The following DDX5 variants were observed in gnomAD, a reference collection of about 807,000 sequenced individuals.
The protein encoded by DDX5 is DEAD-box helicase 5, also known as probable ATP-dependent RNA helicase DDX5.
Under a neutral mutation model 68.6 loss-of-function variants are expected in DDX5, and 6 were observed. The ratio of observed to expected loss-of-function variants is 0.09; its 90% CI spans 0.05 to 0.17. The LOEUF is 0.17. Ranked by LOEUF, DDX5 falls within the 10% of genes least tolerant of loss-of-function variation. The pLI is 1.00. For synonymous variants in DDX5, 350 were observed against 247.0 expected (o/e 1.42, Z -3.91); for missense variants, 499 against 756.1 (o/e 0.66, Z 3.99).
chr17:64,499,939 G>T lies in DDX5; in HGVS notation c.1829C>A (p.Thr610Lys). ...AAPMIGYPMPTGYSQ is the reference protein window; with the variant it reads ...AAPMIGYPMPKGYSQ Reference sequence around the variant, plus strand: ...TCTAAAGTCTTATTGGGAATATCCTGTTGGCATTGGATAACCAATCATAGG... The same window carrying T: ...TCTAAAGTCTTATTGGGAATATCCTTTTGGCATTGGATAACCAATCATAGG... Residue 610 changes from threonine to lysine, a missense_variant, in exon 13 of 13, where the codon ACA becomes AAA. Around this residue, in one of 5 missense-constraint regions of DDX5, gnomAD observed 171 missense variants for 174.8 expected, o/e 0.98. Coordinates refer to ENST00000225792, the MANE Select transcript of DDX5 (RefSeq NM_004396.5). The T allele has an allele frequency of 1.2e-6, 2 of 1,604,148 alleles. No individual in the cohort carries two copies. Among genetic ancestry groups the T allele is most frequent in the Non-Finnish European group, 1.7e-6 (2 of 1,174,226 alleles).
chr17:64,501,340 G>T (rs1217403927), intron 11 of DDX5: 1 of 159,580 alleles, frequency 6.3e-6, no homozygotes, highest in Non-Finnish European at 1.4e-5. Flanking sequence ...ACTTGAGAAT[G>T]TGTCTCTCTC....
chr17:64,505,835 G>A, intron 1 of DDX5: 24 of 1,536,084 alleles, frequency 1.6e-5, no homozygotes, highest in Non-Finnish European at 2.1e-5. Context: ...CTACCAAATG[G>A]CAGCCGCCCC....
intron 1 of DDX5, chr17:64,505,225 G>C (rs147253344): frequency 4.0e-6 from 1 of 252,876 alleles, no homozygotes; most frequent in African/African-American, 2.3e-5. Flanking sequence ...GAACCGAAGA[G>C]CATCACGACG....
At chr17:64,505,918 G>A in intron 1 of DDX5, 158 bp downstream of exon 1, 4 of 1,534,264 alleles carry the variant, frequency 2.6e-6, no homozygotes, top group Non-Finnish European at 3.5e-6. Flanking sequence ...CAATCACTGT[G>A]ACGTGAATAT....
upstream of DDX5, chr17:64,506,340 C>T (rs2038522113): frequency 2.7e-6 from 4 of 1,459,586 alleles, no homozygotes; most frequent in East Asian, 2.5e-5. Flanking sequence ...CCTCCTACGC[C>T]GCAGGGAACG....
chr17:64,499,880 G>C lies in DDX5; in HGVS notation c.*43C>G. ...CTTGTCAGATAACACACAATATAAAGAGCAATTATGAAAAACAGACATTTA... is the reference window on the plus strand; with the variant it reads ...CTTGTCAGATAACACACAATATAAACAGCAATTATGAAAAACAGACATTTA... On this transcript the variant is annotated 3_prime_UTR_variant, in exon 13 of 13. Coordinates refer to ENST00000225792, the MANE Select transcript of DDX5 (RefSeq NM_004396.5). 6.7e-7 allele frequency: 1 copy of C among 1,499,908 alleles called. No individual in the cohort carries two copies. The highest frequency in any genetic ancestry group is 8.9e-7 in the Non-Finnish European group (1 of 1,119,906). 92.9% of individuals were successfully genotyped at this position (1,499,908 alleles called of 1,614,324 possible). A position where few individuals can be genotyped will look rare whatever the true frequency, so the allele number is the denominator to read the frequency against.
Position 64,504,570 on chromosome 17 carries a change from A to G in DDX5, c.210+107T>C, listed in dbSNP as rs2038378375. Reference sequence around the variant, plus strand: ...CCTTTCCCAATTATGAAGTCAGAACATGTAACTCTACCAAAATTGAGTTAT... The same window carrying G: ...CCTTTCCCAATTATGAAGTCAGAACGTGTAACTCTACCAAAATTGAGTTAT... On this transcript the variant is annotated intron_variant, in intron 2 of 12. Transcript: ENST00000225792. The G allele has an allele frequency of 2.2e-6, 3 of 1,341,514 alleles. No homozygotes were observed. The South Asian group carries it at 4.3e-5, about 19-fold the overall frequency. 83.1% of individuals were successfully genotyped at this position (1,341,514 alleles called of 1,614,324 possible).
In DDX5 at chr17:64,502,911, G is replaced by C. The variant is rs782274395; in HGVS notation, c.983+15C>G. On this transcript the variant is annotated intron_variant, in intron 8 of 12. Transcript: ENST00000225792. ...GTTGTTAGGAAGCAAATATAACAGA[G>C]TTAATAAAACTTACTTTTCATCCTT... 6.4e-7 allele frequency: 1 copy of C among 1,565,214 alleles called. No individual in the cohort carries two copies. The highest frequency in any genetic ancestry group is 8.7e-7 in the Non-Finnish European group (1 of 1,156,028).
chr17:64,506,490 C>A, upstream of DDX5: 1 of 943,698 alleles, frequency 1.1e-6, no homozygotes, highest in African/African-American at 1.7e-5. Flanking sequence ...TGGAATGCCT[C>A]ATTCTGCACT....
At chr17:64,505,587 C>T in intron 1 of DDX5, 4 of 780,294 alleles carry the variant, frequency 5.1e-6, no homozygotes, top group Non-Finnish European at 8.5e-6. Context: ...AACAAAGGCG[C>T]CGCCGCCATG....
rs782131372 is a variant in DDX5 at position 64,499,979 on chromosome 17, C to G, written c.1789G>C (p.Ala597Pro). 1.6e-5 allele frequency: 26 copies of G among 1,613,450 alleles called. No homozygotes were observed. Among genetic ancestry groups the G allele is most frequent in the Middle Eastern group, 1.6e-4 (1 of 6,082 alleles). Residue 597 changes from alanine (A) to proline (P), a missense_variant, in exon 13 of 13, where the codon GCT becomes CCT. By Grantham distance (27) the Ala-to-Pro change is conservative (BLOSUM62 -1). Around this residue, in one of 5 missense-constraint regions of DDX5, gnomAD observed 171 missense variants for 174.8 expected, o/e 0.98. Coordinates refer to ENST00000225792, the MANE Select transcript of DDX5 (RefSeq NM_004396.5). Reference protein sequence around the residue: ...GMNQQAYAYPATAAAPMIGYP... With the variant: ...GMNQQAYAYPPTAAAPMIGYP... ...CCAATCATAGGTGCAGCTGCAGTAG[C>G]AGGATATGCATATGCCTGTTGGTTC... is the stretch of plus-strand genomic sequence containing the variant.
chr17:64,502,869 C>T, intron 8 of DDX5, 57 bp downstream of exon 8: 1 of 1,484,922 alleles, frequency 6.7e-7, no homozygotes, highest in Admixed American at 2.2e-5. Context: ...ACAATGATCC[C>T]TCAATTTTAC....
rs1457632231 is a variant in DDX5, at chr17:64,499,478, CCT to C, written c.*443_*444del. The C allele has an allele frequency of 5.0e-5, 11 of 218,360 alleles. No individual in the cohort carries two copies. Among genetic ancestry groups the C allele is most frequent in the African/African-American group, 2.6e-4 (11 of 42,238 alleles). 13.5% of individuals were successfully genotyped at this position (218,360 alleles called of 1,614,324 possible). A position where few individuals can be genotyped will look rare whatever the true frequency, so the allele number is the denominator to read the frequency against. On this transcript the variant is annotated 3_prime_UTR_variant, in exon 13 of 13. Transcript: ENST00000225792. Reference sequence around the variant, plus strand: ...TATAAAGAAGGGCCTTCTGATTCCCCCTGCCTCCCAAATTAAATAAAAAGGAA... The same window carrying C: ...TATAAAGAAGGGCCTTCTGATTCCCCGCCTCCCAAATTAAATAAAAAGGAA...
At position 64,499,634 on chromosome 17, in the gene DDX5, A is replaced by AT. The variant is rs2038245965; in HGVS notation, c.*288dup. On this transcript the variant is annotated 3_prime_UTR_variant, in exon 13 of 13. Coordinates refer to ENST00000225792, the MANE Select transcript of DDX5 (RefSeq NM_004396.5). ...TTTCCACTTAATTCAGTCTTCAAAT[A>AT]TTTTTTATTGGAAGGCCATGCATTG... The AT allele has an allele frequency of 6.5e-6, 2 of 308,816 alleles. No homozygotes were observed. Among genetic ancestry groups the AT allele is most frequent in the Admixed American group, 4.8e-5 (1 of 21,038 alleles). 19.1% of individuals were successfully genotyped at this position (308,816 alleles called of 1,614,324 possible).
In DDX5 at chr17:64,506,065, C is replaced by G; in HGVS notation, c.44+11G>C. On this transcript the variant is annotated intron_variant, in intron 1 of 12. Coordinates refer to ENST00000225792, the MANE Select transcript of DDX5 (RefSeq NM_004396.5). ...ACCCGCCAGGCCTGACAGCTCGGCT[C>G]CCAAACTCACCCTCGGTCCCGGCCG... 2.5e-6 allele frequency: 4 copies of G among 1,586,162 alleles called. No homozygotes were observed. Among genetic ancestry groups the G allele is most frequent in the Non-Finnish European group, 3.4e-6 (4 of 1,166,420 alleles).
chr17:64,506,249 C>G lies in DDX5; in HGVS notation c.-130G>C, dbSNP rs765801409. 67 of 1,547,980 alleles carry G rather than the reference C, an allele frequency of 4.3e-5. No individual in the cohort carries two copies. Among genetic ancestry groups the G allele is most frequent in the Non-Finnish European group, 5.6e-5 (64 of 1,147,084 alleles). On this transcript the variant is annotated 5_prime_UTR_variant, in exon 1 of 13. Transcript: ENST00000225792. ...GGAGGAAGGACACCGATGACACCAG[C>G]CGAAGCTGCACTACTAGAGACCGGT...
chr17:64,505,106 T>C (rs1168987758), intron 1 of DDX5: 2 of 363,688 alleles, frequency 5.5e-6, no homozygotes, highest in Non-Finnish European at 9.9e-6. Context: ...GTCGGAAACT[T>C]GTCACCCACA....
chr17:64,503,214 T>C lies in DDX5; in HGVS notation c.784A>G (p.Ile262Val). The C allele has an allele frequency of 6.2e-7, 1 of 1,614,206 alleles. No individual in the cohort carries two copies. The highest frequency in any genetic ancestry group is 8.5e-7 in the Non-Finnish European group (1 of 1,180,036). ...RMLDMGFEPQ[I>V]RKIVDQIRPD... ...CTTATTTGATCCACAATCTTCCTTA[T>C]TTGGGGTTCAAAGCCCATATCAAGC... The change falls in exon 7 of 13, where the codon ATA becomes GTA. Residue 262 changes from isoleucine (I) to valine (V), a missense_variant. Transcript: ENST00000225792.
rs1332965978 is a variant in DDX5, at chr17:64,504,291, T to C, written c.238A>G (p.Lys80Glu). The stretch of plus-strand genomic sequence containing the variant: ...TTGTGACCTCTAACTGTAATTTCCT[T>C]GCTTCTTCTGTATGTTTCCACCTCT... ...AQEVETYRRSKEITVRGHNCP... is the reference protein window; with the variant it reads ...AQEVETYRRSEEITVRGHNCP... Residue 80 changes from lysine (K) to glutamate (E), a missense_variant, in exon 3 of 13, where the codon AAG (lysine) becomes GAG (glutamate). By Grantham distance (56) the Lys-to-Glu change is moderately conservative (BLOSUM62 1). Coordinates refer to ENST00000225792, the MANE Select transcript of DDX5 (RefSeq NM_004396.5). The C allele has an allele frequency of 6.2e-7, 1 of 1,613,998 alleles. No homozygotes were observed. The highest frequency in any genetic ancestry group is 1.3e-5 in the African/African-American group (1 of 74,912).
Sources: allele counts gnomAD v4.1 joint callset, GRCh38; gene constraint gnomAD v4.1.1; regional missense constraint gnomAD v4.1.1; transcripts MANE v1.5; gene names NCBI Gene and HGNC (gene_info 2026-07-23, HGNC 2026-07-21).